Variants in APBB2 observed in about 807,000 individuals in gnomAD.
APBB2 encodes Fe65-like 1.
Under a neutral mutation model 82.5 loss-of-function variants are expected in APBB2, and 38 were observed. The observed-to-expected ratio is 0.46, with a 90% CI of 0.36 to 0.60. The LOEUF (loss-of-function observed/expected upper bound fraction) is 0.60, where lower values mean the gene tolerates loss of function less well. APBB2 is among the 20% of genes least tolerant of loss of function. The pLI is 0.00. For synonymous variants in APBB2, 341 were observed against 368.2 expected, an observed-to-expected ratio of 0.93 and a Z score of 0.85; for missense variants, 772 against 972.3, an observed-to-expected ratio of 0.79 and a Z score of 2.74.
chr4:41,118,991 T>C (rs1179242770), intron 2 of APBB2, among the ~76,000 whole-genome samples: 3 of 151,854 alleles, frequency 2.0e-5, no homozygotes, highest in Admixed American at 6.6e-5. Flanking sequence ...ATACAAAAAT[T>C]AGCCAGGCGT....
At chr4:41,207,448 CACTA>C (rs1292889040) in intron 1 of APBB2, among the ~76,000 whole-genome samples, 9 of 152,232 alleles carry the variant, frequency 5.9e-5, no homozygotes, top group South Asian at 4.2e-4. Context: ...TTCCTAGAAT[CACTA>C]ACTAAGAATT....
At chr4:40,980,107 C>T (rs926159169) in intron 6 of APBB2, among the ~76,000 whole-genome samples, 6 of 152,208 alleles carry the variant, frequency 3.9e-5, no homozygotes, top group Admixed American at 1.3e-4. Context: ...ACTGCAACCT[C>T]CGCCTCCTCG....
chr4:41,088,123 G>A (rs1320471581), intron 3 of APBB2, among the ~76,000 whole-genome samples: 1 of 152,144 alleles, frequency 6.6e-6, no homozygotes, highest in Non-Finnish European at 1.5e-5. Context: ...ACCATTTAAT[G>A]GATAAGAAAA....
intron 12 of APBB2, among the ~76,000 whole-genome samples, chr4:40,877,133 T>C (rs1767123957): frequency 1.3e-5 from 2 of 152,200 alleles, no homozygotes; most frequent in Admixed American, 6.5e-5. Context: ...AATGAGTGAA[T>C]GTATGAATGC....
chr4:40,938,147 C>G (rs1479050389), intron 7 of APBB2, among the ~76,000 whole-genome samples: 1 of 152,244 alleles, frequency 6.6e-6, no homozygotes, highest in Non-Finnish European at 1.5e-5. Flanking sequence ...TGGTAACCCT[C>G]CAGGCAATGC....
intron 5 of APBB2, among the ~76,000 whole-genome samples, chr4:41,032,262 T>C (rs1034540230): frequency 2.6e-5 from 4 of 152,312 alleles, no homozygotes; most frequent in Admixed American, 2.6e-4. Context: ...CTAATAAATA[T>C]GAAATCTATC....
At chr4:40,831,175 A>G (rs1751769267) in intron 12 of APBB2, among the ~76,000 whole-genome samples, 1 of 152,034 alleles carries the variant, frequency 6.6e-6, no homozygotes, top group South Asian at 2.1e-4. Context: ...AGGTGGGCGG[A>G]TCACCTGAGG....
At chr4:40,828,628 T>C (rs769340296) in intron 13 of APBB2, among the ~76,000 whole-genome samples, 4 of 152,214 alleles carry the variant, frequency 2.6e-5, no homozygotes, top group Non-Finnish European at 5.9e-5. Context: ...GTGCCTTTGA[T>C]AGTGCCTGGC....
chr4:41,181,329 T>C (rs1489817064), intron 1 of APBB2, among the ~76,000 whole-genome samples: 3 of 152,196 alleles, frequency 2.0e-5, no homozygotes, highest in East Asian at 3.9e-4. Flanking sequence ...CTCCCTTACC[T>C]TGGATAATGG....
intron 4 of APBB2, among the ~76,000 whole-genome samples, chr4:41,049,321 T>A (rs1278262333): frequency 3.0e-5 from 3 of 101,620 alleles, no homozygotes; most frequent in Non-Finnish European, 6.1e-5. Context: ...AGCCGCCCCG[T>A]CGGAGAAGTG....
At chr4:40,896,394 G>C (rs887307513) in intron 10 of APBB2, among the ~76,000 whole-genome samples, 18 of 152,214 alleles carry the variant, frequency 1.2e-4, no homozygotes, top group African/African-American at 3.4e-4. Context: ...TGTGGATCAA[G>C]AGTAGGAACA....
intron 12 of APBB2, among the ~76,000 whole-genome samples, chr4:40,864,036 A>G (rs2154336637): frequency 6.6e-6 from 1 of 152,186 alleles, no homozygotes; most frequent in African/African-American, 2.4e-5. Context: ...AGGCAGGTGG[A>G]TCAGGAGGTC....
chr4:40,881,534 C>CTTTTT (rs71198611), intron 12 of APBB2: 5 of 145,896 alleles, frequency 3.4e-5, no homozygotes, highest in Non-Finnish European at 3.6e-5. Context: ...TTTTCTTTTT[C>CTTTTT]TTTTTTTTTT....
chr4:41,141,301 AAT>A (rs1175356701), intron 2 of APBB2, among the ~76,000 whole-genome samples: 2 of 143,296 alleles, frequency 1.4e-5, no homozygotes, highest in African/African-American at 5.3e-5. Context: ...GCAGGTCAAA[AAT>A]ATGTGTGTGT....
chr4:41,007,113 T>G (rs1156373167), intron 6 of APBB2, among the ~76,000 whole-genome samples: 1 of 152,154 alleles, frequency 6.6e-6, no homozygotes, highest in Non-Finnish European at 1.5e-5. Flanking sequence ...TGTTGGAAAC[T>G]TAATCCCCAA....
chr4:41,076,609 C>G (rs1258340370), intron 3 of APBB2, among the ~76,000 whole-genome samples: 1 of 152,148 alleles, frequency 6.6e-6, no homozygotes, highest in East Asian at 1.9e-4. Context: ...AACTGGAAGA[C>G]AAGGTGACTT....
intron 13 of APBB2, among the ~76,000 whole-genome samples, chr4:40,828,862 T>A (rs545348743): frequency 6.6e-6 from 1 of 152,286 alleles, no homozygotes; most frequent in Non-Finnish European, 1.5e-5. Flanking sequence ...ATTCTGAGGC[T>A]GGGGACAGCT....
At chr4:40,835,213 T>C (rs910992396) in intron 12 of APBB2, among the ~76,000 whole-genome samples, 10 of 150,458 alleles carry the variant, frequency 6.6e-5, no homozygotes, top group African/African-American at 2.0e-4. Flanking sequence ...GAGGTGGAGG[T>C]TGCAGTGAGC....
At chr4:41,057,909 C>T (rs572227817) in intron 4 of APBB2, among the ~76,000 whole-genome samples, 227 of 152,308 alleles carry the variant, frequency 1.5e-3, no homozygotes, top group Non-Finnish European at 2.4e-3. Flanking sequence ...GCCCTGAGGA[C>T]AACACATTCT....
Sources: gnomAD v4.1 joint callset for allele counts (sites outside exome capture counted in the v4.1 genomes callset) on GRCh38, gnomAD v4.1.1 for gene constraint, MANE v1.5 for transcripts, NCBI Gene and HGNC (gene_info 2026-07-23, HGNC 2026-07-21) for gene names.